The following BICC1 variants were observed in gnomAD, a reference collection of about 807,000 sequenced individuals.
BICC1 encodes the protein BicC family RNA binding protein 1.
Under a neutral mutation model 111.0 loss-of-function variants are expected in BICC1, and 43 were observed. The observed-to-expected ratio is 0.39, with a 90% CI of 0.30 to 0.50. BICC1 has a LOEUF of 0.50. BICC1 is among the 20% of genes least tolerant of loss of function. The pLI, the probability that BICC1 is intolerant of heterozygous loss-of-function variation, is 0.88. For synonymous variants in BICC1, 467 were observed against 434.4 expected (o/e 1.07, Z -0.93); for missense variants, 1,091 against 1,203.2 (o/e 0.91, Z 1.38).
At chr10:58,803,347 T>G in intron 15 of BICC1, 105 bp downstream of exon 15, 1 of 972,112 alleles carries the variant, frequency 1.0e-6, no homozygotes, top group South Asian at 3.0e-5. Flanking sequence ...AGGTTTTCCT[T>G]CTGTGCTACA....
chr10:58,701,061 C>T (rs11006230), intron 2 of BICC1, among the ~76,000 whole-genome samples: 38,301 of 152,002 alleles, frequency 0.25, 5,758 homozygotes, highest in African/African-American at 0.42. Context: ...TCCTTGTGCC[C>T]GGTACGTAGC....
chr10:58,637,596 A>G (rs4088142), intron 2 of BICC1, among the ~76,000 whole-genome samples: 151,439 of 152,386 alleles, frequency 0.99, 75,251 homozygotes, highest in Middle Eastern at 1. Context: ...CCTTTGCTAT[A>G]AGATGATGAA....
chr10:58,641,151 T>C (rs1838110359), intron 2 of BICC1, among the ~76,000 whole-genome samples: 1 of 152,200 alleles, frequency 6.6e-6, no homozygotes, highest in Non-Finnish European at 1.5e-5. Context: ...CCATTACCTA[T>C]GATGTCAAGG....
At chr10:58,641,673 G>A (rs954509551) in intron 2 of BICC1, among the ~76,000 whole-genome samples, 2 of 152,248 alleles carry the variant, frequency 1.3e-5, no homozygotes, top group African/African-American at 4.8e-5. Context: ...AAACTTTATA[G>A]CCTCTGTACT....
chr10:58,728,828 T>G (rs2132548905), intron 3 of BICC1, among the ~76,000 whole-genome samples: 1 of 152,310 alleles, frequency 6.6e-6, no homozygotes, highest in African/African-American at 2.4e-5. Flanking sequence ...AGACCTCTTT[T>G]GTGACCAGGT....
At position 58,513,194 on chromosome 10, in the gene BICC1, C is replaced by A. The variant is rs1291925866; in HGVS notation, c.51C>A (p.Gly17=). 1 of 1,598,148 alleles carries A rather than the reference C, an allele frequency of 6.3e-7. No homozygotes were observed. The highest frequency in any genetic ancestry group is 2.3e-5 in the East Asian group (1 of 43,070). Residue 17 remains glycine, a synonymous_variant, in exon 1 of 21, where the codon GGC becomes GGA. Coordinates refer to ENST00000373886, the MANE Select transcript of BICC1 (RefSeq NM_001080512.3). ...PGYLAAQSDP[G]SNSERSTDSP... Reference sequence around the variant, plus strand: ...ACCTGGCGGCGCAGTCGGACCCCGGCTCCAACAGCGAGCGCAGCACCGACT... The same window carrying A: ...ACCTGGCGGCGCAGTCGGACCCCGGATCCAACAGCGAGCGCAGCACCGACT...
At chr10:58,669,725 CGT>C (rs951700692) in intron 2 of BICC1, among the ~76,000 whole-genome samples, 1 of 152,024 alleles carries the variant, frequency 6.6e-6, no homozygotes, top group Non-Finnish European at 1.5e-5. Context: ...TCCCTTAAAA[CGT>C]TACATAATTC....
At chr10:58,819,559 A>G (rs1213732785) in intron 19 of BICC1, among the ~76,000 whole-genome samples, 4 of 152,136 alleles carry the variant, frequency 2.6e-5, no homozygotes, top group African/African-American at 9.7e-5. Flanking sequence ...TTCACAGGTG[A>G]TATATCAACA....
chr10:58,561,688 C>G (rs1329741239), intron 1 of BICC1, among the ~76,000 whole-genome samples: 2 of 151,922 alleles, frequency 1.3e-5, no homozygotes, highest in African/African-American at 4.8e-5. Flanking sequence ...GGGTTTGATT[C>G]CTTTCTCATC....
Position 58,796,543 on chromosome 10 carries a change from T to A in BICC1, c.1366+17T>A. The A allele has an allele frequency of 6.3e-7, 1 of 1,596,292 alleles. No individual in the cohort carries two copies. Among genetic ancestry groups the A allele is most frequent in the Non-Finnish European group, 8.5e-7 (1 of 1,169,964 alleles). ...CTGGACTAGGTATACAATTTATTATTACAGCGCGTCTCAGTCACTGGGGAA... is the reference window on the plus strand; with the variant it reads ...CTGGACTAGGTATACAATTTATTATAACAGCGCGTCTCAGTCACTGGGGAA... On this transcript the variant is annotated intron_variant, in intron 10 of 20. Transcript: ENST00000373886.
chr10:58,667,093 A>T (rs1049585009), intron 2 of BICC1, among the ~76,000 whole-genome samples: 1 of 152,144 alleles, frequency 6.6e-6, no homozygotes, highest in Non-Finnish European at 1.5e-5. Context: ...GTTTTAAGGA[A>T]GGCAAATTAC....
chr10:58,773,948 C>A lies in BICC1; in HGVS notation c.308-11053C>A, dbSNP rs542130517. On this transcript the variant is annotated intron_variant, in intron 3 of 20. Coordinates refer to ENST00000373886, the MANE Select transcript of BICC1 (RefSeq NM_001080512.3). ...TCTTTAAAGAAAGAGCAGTATACCC[C>A]CACTACCCAGATTGTCCTTTTTTTC... Among the ~76,000 whole-genome samples the A allele has an allele frequency of 9.5e-4, 145 of 152,288 alleles. 1 individual carries two copies. Among genetic ancestry groups the A allele is most frequent in the African/African-American group, 3.3e-3 (139 of 41,560 alleles).
chr10:58,697,764 C>T (rs1180041628), intron 2 of BICC1, among the ~76,000 whole-genome samples: 1 of 152,164 alleles, frequency 6.6e-6, no homozygotes, highest in African/African-American at 2.4e-5. Context: ...ATCCAGTAAC[C>T]TAGCTCCAGT....
At chr10:58,711,770 G>A (rs1840581303) in intron 3 of BICC1, among the ~76,000 whole-genome samples, 1 of 150,036 alleles carries the variant, frequency 6.7e-6, no homozygotes, top group African/African-American at 2.5e-5. Flanking sequence ...ATCTTCTCAA[G>A]CCTAAATAAG....
intron 2 of BICC1, among the ~76,000 whole-genome samples, chr10:58,672,155 A>G (rs964727540): frequency 1.3e-5 from 2 of 152,172 alleles, no homozygotes; most frequent in Non-Finnish European, 2.9e-5. Flanking sequence ...GTATATTCAC[A>G]TTGTTGTGCA....
At chr10:58,746,474 C>T (rs1841839882) in intron 3 of BICC1, among the ~76,000 whole-genome samples, 1 of 152,124 alleles carries the variant, frequency 6.6e-6, no homozygotes, top group Non-Finnish European at 1.5e-5. Context: ...CACCTACCTT[C>T]TTCCTTAATT....
chr10:58,563,456 A>G (rs1247303491), intron 1 of BICC1, among the ~76,000 whole-genome samples: 1 of 152,116 alleles, frequency 6.6e-6, no homozygotes, highest in Admixed American at 6.5e-5. Flanking sequence ...TCCACAATGG[A>G]GAGTTCCTCT....
At chr10:58,668,264 T>C (rs1439979466) in intron 2 of BICC1, among the ~76,000 whole-genome samples, 1 of 152,096 alleles carries the variant, frequency 6.6e-6, no homozygotes, top group Non-Finnish European at 1.5e-5. Flanking sequence ...AAAAAGTAGT[T>C]TTAAAAACTT....
intron 1 of BICC1, among the ~76,000 whole-genome samples, chr10:58,513,813 C>A (rs1842167005): frequency 1.3e-5 from 2 of 152,296 alleles, no homozygotes; most frequent in South Asian, 4.1e-4. Flanking sequence ...TATTGGGAAA[C>A]GCTCTGCAGA....
Sources: gnomAD v4.1 joint callset for allele counts (sites outside exome capture counted in the v4.1 genomes callset) on GRCh38, gnomAD v4.1.1 for gene constraint, MANE v1.5 for transcripts, NCBI Gene and HGNC (gene_info 2026-07-23, HGNC 2026-07-21) for gene names.